Variants in CAMTA1 observed in about 807,000 individuals in gnomAD.
The protein encoded by CAMTA1 is calmodulin-binding transcription activator 1.
CAMTA1 carries 27 observed loss-of-function variants against 170.9 expected under a neutral mutation model. The observed-to-expected ratio is 0.16, with a 90% CI of 0.12 to 0.22. CAMTA1 has a LOEUF of 0.22. Ranked by LOEUF, CAMTA1 falls within the 10% of genes least tolerant of loss-of-function variation. The pLI is 1.00. For synonymous variants in CAMTA1, 833 were observed against 891.5 expected (o/e 0.93, Z 1.17); for missense variants, 1,619 against 2,217.2 (o/e 0.73, Z 5.42).
chr1:7,234,230 C>T lies in CAMTA1; in HGVS notation c.303-15261C>T, dbSNP rs1663391097. On this transcript the variant is annotated intron_variant, in intron 4 of 22. Transcript: ENST00000303635. This position sits in a 1 kb window ranked among gnomAD's most constrained non-coding sequence, Gnocchi z 5.0. ...GCCTCTGCCAAGCTTCCTCTCCAAA[C>T]CTGGGCCTCGCCACGCTCTCTACCG... 6.6e-6 allele frequency among the ~76,000 whole-genome samples: 1 copy of T among 152,186 alleles called. No homozygotes were observed. The highest frequency in any genetic ancestry group is 1.5e-5 in the Non-Finnish European group (1 of 68,034).
chr1:6,974,548 A>C (rs1693078861), intron 3 of CAMTA1, among the ~76,000 whole-genome samples: 1 of 152,224 alleles, frequency 6.6e-6, no homozygotes, highest in Non-Finnish European at 1.5e-5. Flanking sequence ...AGGCGAGGCC[A>C]GGGAGATGGA....
intron 3 of CAMTA1, among the ~76,000 whole-genome samples, chr1:6,835,013 C>A (rs532654073): frequency 2.0e-5 from 3 of 152,284 alleles, no homozygotes; most frequent in Non-Finnish European, 2.9e-5. Context: ...GAACATTTTT[C>A]ATCACCCCGC....
intron 4 of CAMTA1, among the ~76,000 whole-genome samples, chr1:7,134,468 A>AAT (rs1645434112): frequency 6.6e-6 from 1 of 151,336 alleles, no homozygotes; most frequent in African/African-American, 2.4e-5. Context: ...TAATTAAACA[A>AAT]ATTATTATTA....
chr1:7,231,830 A>G (rs950937243), intron 4 of CAMTA1, among the ~76,000 whole-genome samples: 1 of 152,182 alleles, frequency 6.6e-6, no homozygotes, highest in Admixed American at 6.5e-5. Context: ...ATCTAATCCT[A>G]TTGAACAGGA....
intron 22 of CAMTA1, among the ~76,000 whole-genome samples, chr1:7,757,502 C>T (rs34497833): frequency 1.1e-3 from 167 of 152,264 alleles, no homozygotes; most frequent in Admixed American, 1.8e-3. Context: ...CATGGTGGCT[C>T]ATGCCTGTAA....
At chr1:7,155,788 C>T (rs974882350) in intron 4 of CAMTA1, among the ~76,000 whole-genome samples, 1 of 152,148 alleles carries the variant, frequency 6.6e-6, no homozygotes, top group Non-Finnish European at 1.5e-5. Flanking sequence ...CTCTATGCCT[C>T]ATGGTTCCAC....
intron 3 of CAMTA1, among the ~76,000 whole-genome samples, chr1:6,921,931 G>T: frequency 6.6e-6 from 1 of 152,184 alleles, no homozygotes; most frequent in Non-Finnish European, 1.5e-5. Context: ...CCATATCAGT[G>T]GGGCTGACCC....
chr1:7,391,888 G>A (rs551182109), intron 5 of CAMTA1, among the ~76,000 whole-genome samples: 219 of 152,212 alleles, frequency 1.4e-3, no homozygotes, highest in Non-Finnish European at 2.4e-3. Flanking sequence ...TGGATATACA[G>A]CAATTTGTTT....
At chr1:7,310,350 G>A (rs1035683046) in intron 5 of CAMTA1, among the ~76,000 whole-genome samples, 1 of 152,168 alleles carries the variant, frequency 6.6e-6, no homozygotes, top group African/African-American at 2.4e-5. Context: ...GGGCCAAATG[G>A]CAAGTATTTT....
intron 5 of CAMTA1, among the ~76,000 whole-genome samples, chr1:7,369,392 C>T (rs911508589): frequency 2.0e-5 from 3 of 152,152 alleles, no homozygotes; most frequent in Admixed American, 6.5e-5. Flanking sequence ...TCGCTTCTGA[C>T]ACTAAGTGTA....
intron 6 of CAMTA1, among the ~76,000 whole-genome samples, chr1:7,618,555 G>T (rs1368676306): frequency 6.6e-6 from 1 of 152,206 alleles, no homozygotes; most frequent in Non-Finnish European, 1.5e-5. Context: ...CTGGAAATTT[G>T]GCTCCTTGGG....
rs189142118 is a variant in CAMTA1 at position 7,586,529 on chromosome 1, G to A, written c.511-53871G>A. Among the ~76,000 whole-genome samples, 697 of 152,246 alleles carry A rather than the reference G, an allele frequency of 4.6e-3. 11 individuals are homozygous for A. Among genetic ancestry groups the A allele is most frequent in the African/African-American group, 0.015 (638 of 41,486 alleles). On this transcript the variant is annotated intron_variant, in intron 6 of 22. Coordinates refer to ENST00000303635, the MANE Select transcript of CAMTA1 (RefSeq NM_015215.4). ...TTGGGCGCCCAGGCCAGGCTGTGAA[G>A]CCCTGCTCCAGGGCCCAGGCCTAAC...
rs2095299525 is a variant in CAMTA1, at chr1:7,585,279, G to A, written c.511-55121G>A. Among the ~76,000 whole-genome samples the A allele has an allele frequency of 1.3e-5, 2 of 151,688 alleles. No homozygotes were observed. Among genetic ancestry groups the A allele is most frequent in the African/African-American group, 4.9e-5 (2 of 40,972 alleles). ...CCAGGCAGAGTAAAGGAAGGGGTAC[G>A]GGAGGGTTGCGGATAGAGTAGCCAA... On this transcript the variant is annotated intron_variant, in intron 6 of 22. Transcript: ENST00000303635. The surrounding 1 kb of genome is among the most constrained non-coding windows in gnomAD (Gnocchi z 4.8).
In CAMTA1 at chr1:7,067,217, TG is replaced by T. The variant is rs1709071315; in HGVS notation, c.235-24085del. Among the ~76,000 whole-genome samples, 1 of 152,156 alleles carries T rather than the reference TG, an allele frequency of 6.6e-6. No individual in the cohort carries two copies. Among genetic ancestry groups the T allele is most frequent in the African/African-American group, 2.4e-5 (1 of 41,424 alleles). The stretch of plus-strand genomic sequence containing the variant: ...TGGTAAATCTATGGCATGGAAAAGG[TG>T]GAAGAGTTATCTCTGCTTCCTAGGG... On this transcript the variant is annotated intron_variant, in intron 3 of 22. Transcript: ENST00000303635. This position sits in a 1 kb window ranked among gnomAD's most constrained non-coding sequence, Gnocchi z 4.3.
At chr1:6,998,662 C>A (rs1270879686) in intron 3 of CAMTA1, among the ~76,000 whole-genome samples, 4 of 152,250 alleles carry the variant, frequency 2.6e-5, no homozygotes, top group Non-Finnish European at 5.9e-5. Flanking sequence ...GCCACGGAGG[C>A]AGCACTTTTT....
chr1:7,048,428 T>G (rs1705758286), intron 3 of CAMTA1, among the ~76,000 whole-genome samples: 1 of 152,166 alleles, frequency 6.6e-6, no homozygotes, highest in South Asian at 2.1e-4. Context: ...AGTTTAATTT[T>G]TGATGGAATT....
intron 1 of CAMTA1, among the ~76,000 whole-genome samples, chr1:6,819,801 T>C (rs1464328627): frequency 6.6e-6 from 1 of 152,224 alleles, no homozygotes; most frequent in Non-Finnish European, 1.5e-5. Flanking sequence ...TTCTCCTCCA[T>C]AACCACAAGA....
intron 5 of CAMTA1, among the ~76,000 whole-genome samples, chr1:7,379,779 G>GCCTC (rs1430241542): frequency 6.6e-6 from 1 of 152,180 alleles, no homozygotes; most frequent in Non-Finnish European, 1.5e-5. Context: ...TGATCTCTTG[G>GCCTC]CCTCCCGATG....
intron 3 of CAMTA1, among the ~76,000 whole-genome samples, chr1:6,826,894 T>C (rs900044537): frequency 3.9e-5 from 6 of 152,250 alleles, no homozygotes; most frequent in African/African-American, 1.2e-4. Flanking sequence ...TCAAAACTTT[T>C]TGAAACTTTT....
Sources: gnomAD v4.1 joint callset for allele counts (sites outside exome capture counted in the v4.1 genomes callset) on GRCh38, gnomAD v4.1.1 for gene constraint, Gnocchi (gnomAD v3.1) non-coding constraint, MANE v1.5 for transcripts, NCBI Gene and HGNC (gene_info 2026-07-23, HGNC 2026-07-21) for gene names.